The following BIRC6 variants were observed in gnomAD, a reference collection of about 807,000 sequenced individuals.
BIRC6 encodes the protein dual E2 ubiquitin-conjugating enzyme/E3 ubiquitin-protein ligase BIRC6.
Under a neutral mutation model 503.3 loss-of-function variants are expected in BIRC6, and 98 were observed. The observed-to-expected ratio is 0.19, with a 90% confidence interval of 0.17 to 0.23. BIRC6 has a LOEUF of 0.23. BIRC6 is among the 10% of genes least tolerant of loss of function. BIRC6 has a pLI of 1.00. For synonymous variants in BIRC6, 2,240 were observed against 2,078.7 expected (o/e 1.08, Z -2.11); for missense variants, 5,360 against 5,806.0 (o/e 0.92, Z 2.50).
intron 51 of BIRC6, among the ~76,000 whole-genome samples, chr2:32,509,508 C>T (rs1251679971): frequency 1.3e-5 from 2 of 152,156 alleles, no homozygotes; most frequent in African/African-American, 2.4e-5. Flanking sequence ...CTGCCTCGGC[C>T]TCCCAAAGTG....
chr2:32,566,335 T>C lies in BIRC6; in HGVS notation c.13145-8821T>C, dbSNP rs113718322. ...TAGAGTGCAGTGGTGTAATCATGACTAACTGCAGCTTCCCATGCCCGGCTA... is the reference window on the plus strand; with the variant it reads ...TAGAGTGCAGTGGTGTAATCATGACCAACTGCAGCTTCCCATGCCCGGCTA... On this transcript the variant is annotated intron_variant, in intron 65 of 73. Coordinates refer to ENST00000421745, the MANE Select transcript of BIRC6 (RefSeq NM_016252.4). The C allele has an allele frequency of 9.6e-3, 1,459 of 152,304 alleles. 20 individuals carry two copies. Among genetic ancestry groups the C allele is most frequent in the Middle Eastern group, 0.017 (5 of 296 alleles). The allele number at this position is 152,304 out of a possible 1,614,324, so 9.4% of individuals were successfully genotyped here. A position where few individuals can be genotyped will look rare whatever the true frequency, so the allele number is the denominator to read the frequency against.
rs1290695779 is a variant in BIRC6 at position 32,463,253 on chromosome 2, G to A, written c.4813G>A (p.Ala1605Thr). ...ACTATCATCTGGGACAGTTGGGGAA[G>A]CCTCGACAGCCCTGAGTTCAGCAGC... ...GGLSSGTVGE[A>T]STALSSAAQV... The change falls in exon 24 of 74, where the codon GCC becomes ACC. Residue 1605 changes from alanine to threonine, a missense_variant. Transcript: ENST00000421745. 4 of 1,613,638 alleles carry A rather than the reference G, an allele frequency of 2.5e-6. No homozygotes were observed. The highest frequency in any genetic ancestry group is 1.7e-5 in the Admixed American group (1 of 59,948).
At chr2:32,366,762 T>A (rs1005983662) in intron 1 of BIRC6, among the ~76,000 whole-genome samples, 1 of 150,430 alleles carries the variant, frequency 6.6e-6, no homozygotes, top group African/African-American at 2.4e-5. Context: ...GTGGGAGGAT[T>A]GTCTGAGGCC....
chr2:32,571,406 G>A (rs1231870334), intron 65 of BIRC6, among the ~76,000 whole-genome samples: 1 of 15,834 alleles, frequency 6.3e-5, no homozygotes, highest in Non-Finnish European at 1.2e-4. Flanking sequence ...TTTTTTTGTT[G>A]GGAGATGTTT....
chr2:32,567,445 A>G (rs2059612700), intron 65 of BIRC6, among the ~76,000 whole-genome samples: 1 of 152,238 alleles, frequency 6.6e-6, no homozygotes, highest in African/African-American at 2.4e-5. Context: ...TGTGCCATTC[A>G]TTAAGGACTT....
At chr2:32,365,847 T>TTTTA (rs1201584527) in intron 1 of BIRC6, among the ~76,000 whole-genome samples, 1 of 151,802 alleles carries the variant, frequency 6.6e-6, no homozygotes. Context: ...TTTTAAGCAG[T>TTTTA]TTTATTTATT....
Position 32,515,494 on chromosome 2 carries a change from A to C in BIRC6, c.11073A>C (p.Thr3691=). 6.2e-7 allele frequency: 1 copy of C among 1,613,902 alleles called. No individual in the cohort carries two copies. The highest frequency in any genetic ancestry group is 2.2e-5 in the East Asian group (1 of 44,876). ...TTGCTCCTATTCTTAGGTTTTTGAC[A>C]GAAGTTGGCAATAGCCATATTATGA... ...DLVAPILRFL[T]EVGNSHIMKD... Residue 3691 remains threonine (T), a synonymous_variant, in exon 55 of 74, where the codon ACA becomes ACC. Transcript: ENST00000421745.
At chr2:32,582,651 G>A (rs934461259) in intron 66 of BIRC6, among the ~76,000 whole-genome samples, 1 of 152,104 alleles carries the variant, frequency 6.6e-6, no homozygotes, top group Non-Finnish European at 1.5e-5. Context: ...CGTAATCCCA[G>A]CTACCGAGGC....
chr2:32,469,855 A>C (rs2048935199), intron 30 of BIRC6, among the ~76,000 whole-genome samples: 1 of 152,168 alleles, frequency 6.6e-6, no homozygotes, highest in Non-Finnish European at 1.5e-5. Context: ...ATCTGTGTTT[A>C]TAAGTATTTC....
intron 19 of BIRC6, 28 bp downstream of exon 19, chr2:32,442,483 A>G: frequency 1.3e-6 from 2 of 1,568,914 alleles, no homozygotes; most frequent in South Asian, 1.2e-5. Context: ...TTGAAAGCAT[A>G]CTTTCTAGGT....
intron 1 of BIRC6, among the ~76,000 whole-genome samples, chr2:32,365,406 G>A (rs1423591982): frequency 6.7e-6 from 1 of 148,940 alleles, no homozygotes; most frequent in African/African-American, 2.5e-5. Context: ...TGCAACCTCC[G>A]CCTCTCAGGT....
intron 66 of BIRC6, among the ~76,000 whole-genome samples, chr2:32,587,513 G>A (rs2061122205): frequency 6.6e-6 from 1 of 152,172 alleles, no homozygotes; most frequent in Non-Finnish European, 1.5e-5. Context: ...CAAGGCAGGT[G>A]GATCACTTGA....
chr2:32,607,136 C>T (rs181016124), intron 71 of BIRC6, among the ~76,000 whole-genome samples: 21 of 150,068 alleles, frequency 1.4e-4, no homozygotes, highest in African/African-American at 3.7e-4. Context: ...ACTAAAAAAA[C>T]GAAATTTTTT....
Position 32,575,217 on chromosome 2 carries a change from T to C in BIRC6, c.13206T>C (p.Ile4402=). 6.2e-7 allele frequency: 1 copy of C among 1,614,062 alleles called. No homozygotes were observed. The highest frequency in any genetic ancestry group is 8.5e-7 in the Non-Finnish European group (1 of 1,179,898). ...CACTGCTGGAATTGCTTCGGGCCAT[T>C]GCTTCTTGTGCTGCCATGGTGCCCC... ...YRALLELLRA[I]ASCAAMVPLL... Residue 4402 remains isoleucine (I), a synonymous_variant, in exon 66 of 74, where the codon ATT becomes ATC. Transcript: ENST00000421745.
At chr2:32,512,756 T>C (rs2054573610) in intron 53 of BIRC6, among the ~76,000 whole-genome samples, 177 bp from the exon 54 acceptor site, 1 of 152,194 alleles carries the variant, frequency 6.6e-6, no homozygotes, top group African/African-American at 2.4e-5. Context: ...CTGGAACTAG[T>C]ATGTCTTTGT....
At chr2:32,601,096 C>T (rs930388048) in intron 70 of BIRC6, among the ~76,000 whole-genome samples, 10 of 152,200 alleles carry the variant, frequency 6.6e-5, no homozygotes, top group Non-Finnish European at 8.8e-5. Flanking sequence ...ATGTGGCCTG[C>T]GGGTTGCACA....
In BIRC6 at chr2:32,415,328, A is replaced by G. The variant is rs34417238; in HGVS notation, c.2037A>G (p.Leu679=). 0.017 allele frequency: 28,220 copies of G among 1,613,978 alleles called. 712 individuals are homozygous for G. Among genetic ancestry groups the G allele is most frequent in the African/African-American group, 0.12 (8,903 of 75,022 alleles). Residue 679 remains leucine (L), a synonymous_variant, in exon 10 of 74, where the codon TTA becomes TTG. Coordinates refer to ENST00000421745, the MANE Select transcript of BIRC6 (RefSeq NM_016252.4). ...AGCTGGATAGTCAGGAGCAGTTGTT[A>G]TTGCAGGATCCTCCTGTGACTTACA... ...EMELDSQEQL[L]LQDPPVTYIQ... is the part of the protein sequence containing the mutation.
At chr2:32,571,788 C>A (rs1237083633) in intron 65 of BIRC6, among the ~76,000 whole-genome samples, 2 of 151,962 alleles carry the variant, frequency 1.3e-5, no homozygotes, top group Non-Finnish European at 2.9e-5. Context: ...GTGGATTGTT[C>A]TTACTTTTCT....
chr2:32,522,757 T>C (rs568917996), intron 57 of BIRC6: 1 of 152,324 alleles, frequency 6.6e-6, no homozygotes, highest in South Asian at 2.1e-4. Context: ...CCTGCTACTT[T>C]TCGATAGTAC....
Sources: allele counts gnomAD v4.1 joint callset (sites outside exome capture counted in the v4.1 genomes callset), GRCh38; gene constraint gnomAD v4.1.1; transcripts MANE v1.5; gene names NCBI Gene and HGNC (gene_info 2026-07-23, HGNC 2026-07-21).